Variants in TCHH observed in about 807,000 individuals in gnomAD.
TCHH encodes trichohyalin.
Under a neutral mutation model 6.3 loss-of-function variants are expected in TCHH, and 6 were observed. The ratio of observed to expected loss-of-function variants is 0.95; its 90% CI spans 0.52 to 1.88. TCHH has a LOEUF of 1.88. Ranked by LOEUF, TCHH falls within the 40% of genes most tolerant of loss-of-function variation. The probability of loss-of-function intolerance (pLI) is 0.01; values close to 1 mark genes in which losing one functional copy is unlikely to be tolerated. For synonymous variants in TCHH, 1,087 were observed against 963.6 expected, an observed-to-expected ratio of 1.13 and a Z score of -2.37; for missense variants, 2,920 against 2,449.1, an observed-to-expected ratio of 1.19 and a Z score of -4.06.
Position 152,109,736 on chromosome 1 carries a change from T to C in TCHH, c.3481A>G (p.Arg1161Gly), listed in dbSNP as rs760934623. 8.1e-6 allele frequency: 13 copies of C among 1,606,144 alleles called. No homozygotes were observed. The Admixed American group carries it at 1.4e-4, about 17-fold the overall frequency. ...EQLLREEPEK[R>G]RRQELERQYR... ...TGCCTCTCCAGCTCCTGGCGCCTTC[T>C]CTTCTCCGGTTCCTCTCTCAGCAGC... The change falls in exon 3 of 3, where the codon AGA (arginine) becomes GGA (glycine). Residue 1161 changes from arginine (R) to glycine (G), a missense_variant. Transcript: ENST00000614923.
chr1:152,111,702 C>T lies in TCHH; in HGVS notation c.1515G>A (p.Gln505=), dbSNP rs759385082. 1 of 1,575,700 alleles carries T rather than the reference C, an allele frequency of 6.3e-7. No homozygotes were observed. The highest frequency in any genetic ancestry group is 8.7e-7 in the Non-Finnish European group (1 of 1,151,152). ...ERREQQERRE[Q]QLRREQEERR... is the part of the protein sequence containing the mutation. ...TCTCCTCTTGCTCCCGCCTTAGTTGCTGCTCGCGCCTCTCCTGCTGCTCGC... is the reference window on the plus strand; with the variant it reads ...TCTCCTCTTGCTCCCGCCTTAGTTGTTGCTCGCGCCTCTCCTGCTGCTCGC... Residue 505 remains glutamine, a synonymous_variant, in exon 3 of 3, where the codon CAG becomes CAA. Transcript: ENST00000614923.
rs1658419778 is a variant in TCHH at position 152,112,672 on chromosome 1, T to C, written c.545A>G (p.Glu182Gly). Residue 182 changes from glutamate to glycine, a missense_variant, in exon 3 of 3, where the codon GAA becomes GGA. Transcript: ENST00000614923. ...TTCCTCTGCACGGCGCTCTTCCCGT[T>C]CTTGCCATTCTTGCCTTTGCCGCCA... ...ELWRQRQEWQ[E>G]REERRAEEEQ... The C allele has an allele frequency of 6.2e-7, 1 of 1,613,964 alleles. No homozygotes were observed. The highest frequency in any genetic ancestry group is 1.3e-5 in the African/African-American group (1 of 74,896).
chr1:152,112,553 C>T lies in TCHH; in HGVS notation c.664G>A (p.Gly222Ser), dbSNP rs771944284. The change falls in exon 3 of 3, where the codon GGC becomes AGC. Residue 222 changes from glycine to serine, a missense_variant. Coordinates refer to ENST00000614923, the MANE Select transcript of TCHH (RefSeq NM_007113.4). ...RRELLELRRK[G>S]REEKQQQRRE... Reference sequence around the variant, plus strand: ...CTTTGCTGCTGTTTCTCCTCGCGGCCCTTCCTCCTCAGCTCCAGCAGCTCC... The same window carrying T: ...CTTTGCTGCTGTTTCTCCTCGCGGCTCTTCCTCCTCAGCTCCAGCAGCTCC... 1 of 1,613,392 alleles carries T rather than the reference C, an allele frequency of 6.2e-7. No individual in the cohort carries two copies. Among genetic ancestry groups the T allele is most frequent in the Non-Finnish European group, 8.5e-7 (1 of 1,180,016 alleles).
rs1658159285 is a variant in TCHH at position 152,107,907 on chromosome 1, G to A, written c.5310C>T (p.Asp1770=). ...GCTGTTCCTCCTCGCGGAATTTTCT[G>A]TCGCGCTCCTGGCGGCGCAGCTGCT... ...EEQQLRRQER[D]RKFREEEQLR... The change falls in exon 3 of 3, where the codon GAC becomes GAT. Residue 1770 remains aspartate (D), a synonymous_variant. Coordinates refer to ENST00000614923, the MANE Select transcript of TCHH (RefSeq NM_007113.4). 1 of 1,613,696 alleles carries A rather than the reference G, an allele frequency of 6.2e-7. No homozygotes were observed. Among genetic ancestry groups the A allele is most frequent in the East Asian group, 2.2e-5 (1 of 44,860 alleles).
Position 152,107,705 on chromosome 1 carries a change from G to T in TCHH, c.5512C>A (p.Arg1838=). ...CGGTACTGCCGGTCTCGCTCCTGCC[G>T]CAGCCTCTGCTCTTGTTCCTCAAGT... is the stretch of plus-strand genomic sequence containing the variant. ...LQLEEQEQRL[R]QERDRQYRAE... Residue 1838 remains arginine (R), a synonymous_variant, in exon 3 of 3, where the codon CGG becomes AGG. Coordinates refer to ENST00000614923, the MANE Select transcript of TCHH (RefSeq NM_007113.4). 1 of 1,614,052 alleles carries T rather than the reference G, an allele frequency of 6.2e-7. No homozygotes were observed. Among genetic ancestry groups the T allele is most frequent in the South Asian group, 1.1e-5 (1 of 91,092 alleles).
rs750924673 is a variant in TCHH at position 152,110,622 on chromosome 1, G to C, written c.2595C>G (p.Ser865Arg). 41 of 1,610,554 alleles carry C rather than the reference G, an allele frequency of 2.5e-5. No individual in the cohort carries two copies. The highest frequency in any genetic ancestry group is 6.7e-5 in the Admixed American group (4 of 59,728). ...ATTTTTGGTCGCGGCGCTGCTCCTG[G>C]CTTCGCCTCCTCTCCTGATCCTCCT... The part of the protein sequence containing the change: ...GLQEDQERRR[S>R]QEQRRDQKWR... Residue 865 changes from serine (S) to arginine (R), a missense_variant, in exon 3 of 3, where the codon AGC becomes AGG. Ser to Arg is a moderately radical substitution (Grantham distance 110). Transcript: ENST00000614923.
In TCHH at chr1:152,112,233, G is replaced by A. The variant is rs1658399264; in HGVS notation, c.984C>T (p.Arg328=). The A allele has an allele frequency of 6.4e-7, 1 of 1,551,232 alleles. No homozygotes were observed. Among genetic ancestry groups the A allele is most frequent in the African/African-American group, 1.6e-5 (1 of 61,710 alleles). Residue 328 remains arginine (R), a synonymous_variant, in exon 3 of 3, where the codon CGC becomes CGT. Transcript: ENST00000614923. ...GCTCGCGCCTCTCCTCCTGCTGCTC[G>A]CGCCTCTCCTGCTGCTCGCGCCTCT... is the stretch of plus-strand genomic sequence containing the variant. The part of the protein sequence containing the change: ...QEERREQQER[R]EQQEERREQQ...
At position 152,109,229 on chromosome 1, in the gene TCHH, G is replaced by GTCTCT. The variant is rs752472499; in HGVS notation, c.3983_3987dup (p.Arg1331AspfsTer95). 19 of 1,614,106 alleles carry GTCTCT rather than the reference G, an allele frequency of 1.2e-5. No homozygotes were observed. The highest frequency in any genetic ancestry group is 2.7e-5 in the African/African-American group (2 of 74,934). ...AATTTTCTGTCTGTCTCTTGACGGC[G>GTCTCT]TCTCTTCTCTTCTCTTTCCTCTCTC... On this transcript the variant is annotated frameshift_variant, in exon 3 of 3. Transcript: ENST00000614923. LOFTEE classifies it low-confidence loss of function (END_TRUNC).
In TCHH at chr1:152,111,857, TCTC is replaced by T. The variant is rs146085887; in HGVS notation, c.1357_1359del (p.Glu453del). On this transcript the variant is annotated inframe_deletion, in exon 3 of 3. Transcript: ENST00000614923. Reference sequence around the variant, plus strand: ...TCCTCGCGCTTCAGCCAATCGCGCCTCTCCTCCTGCTCGCGCTTCAGCCGCTGC... The same window carrying T: ...TCCTCGCGCTTCAGCCAATCGCGCCTCTCCTGCTCGCGCTTCAGCCGCTGC... 635 of 1,564,086 alleles carry T rather than the reference TCTC, an allele frequency of 4.1e-4. No individual in the cohort carries two copies. In the African/African-American group the frequency reaches 6.3e-3, roughly 16 times the overall value.
chr1:152,112,209 C>T lies in TCHH; in HGVS notation c.1008G>A (p.Glu336=). 1 of 1,598,700 alleles carries T rather than the reference C, an allele frequency of 6.3e-7. No individual in the cohort carries two copies. The highest frequency in any genetic ancestry group is 1.1e-5 in the South Asian group (1 of 90,608). ...CCTCCTGCTCGCGCCTCAGCTGCTG[C>T]TCGCGCCTCTCCTCCTGCTGCTCGC... ...ERREQQEERR[E]QQLRREQEER... Residue 336 remains glutamate, a synonymous_variant, in exon 3 of 3, where the codon GAG becomes GAA. Transcript: ENST00000614923.
rs1572159877 is a variant in TCHH, at chr1:152,112,234, C to T, written c.983G>A (p.Arg328His). ...QEERREQQER[R>H]EQQEERREQQ... ...CTCGCGCCTCTCCTCCTGCTGCTCG[C>T]GCCTCTCCTGCTGCTCGCGCCTCTC... is the stretch of plus-strand genomic sequence containing the variant. Residue 328 changes from arginine to histidine, a missense_variant, in exon 3 of 3, where the codon CGC (arginine) becomes CAC (histidine). Coordinates refer to ENST00000614923, the MANE Select transcript of TCHH (RefSeq NM_007113.4). 1 of 1,567,878 alleles carries T rather than the reference C, an allele frequency of 6.4e-7. No individual in the cohort carries two copies. Among genetic ancestry groups the T allele is most frequent in the Non-Finnish European group, 8.6e-7 (1 of 1,159,130 alleles).
rs1572153303 is a variant in TCHH at position 152,106,723 on chromosome 1, G to C, written c.*662C>G. The C allele has an allele frequency of 6.6e-6, 1 of 152,102 alleles. No homozygotes were observed. Among genetic ancestry groups the C allele is most frequent in the East Asian group, 1.9e-4 (1 of 5,198 alleles). 9.4% of individuals were successfully genotyped at this position (152,102 alleles called of 1,614,324 possible). On this transcript the variant is annotated 3_prime_UTR_variant, in exon 3 of 3. Coordinates refer to ENST00000614923, the MANE Select transcript of TCHH (RefSeq NM_007113.4). The stretch of plus-strand genomic sequence containing the variant: ...TGAGATTATGTGTTTAAGTGGAGTT[G>C]AGTTTAAAAAAAATCTAATTTAAAT...
Position 152,110,664 on chromosome 1 carries a change from C to G in TCHH, c.2553G>C (p.Glu851Asp). ...QRRERAQQLQEEEDGLQEDQE... is the reference protein window; with the variant it reads ...QRRERAQQLQDEEDGLQEDQE... ...GATCCTCCTGGAGGCCGTCCTCCTC[C>G]TCCTGGAGCTGTTGGGCACGCTCCC... The change falls in exon 3 of 3, where the codon GAG becomes GAC. Residue 851 changes from glutamate to aspartate, a missense_variant. Transcript: ENST00000614923. 1.2e-6 allele frequency: 2 copies of G among 1,613,690 alleles called. No individual in the cohort carries two copies. The highest frequency in any genetic ancestry group is 1.7e-6 in the Non-Finnish European group (2 of 1,179,996).
In TCHH at chr1:152,110,950, C is replaced by T. The variant is rs372355281; in HGVS notation, c.2267G>A (p.Arg756Gln). The change falls in exon 3 of 3, where the codon CGG (arginine) becomes CAG (glutamine). Residue 756 changes from arginine to glutamine, a missense_variant. Arg to Gln is a conservative substitution (Grantham distance 43). Transcript: ENST00000614923. ...LQWQEEERAH[R>Q]QQQEEEQRRD... is the part of the protein sequence containing the mutation. ...GCGCTGCTCCTCTTCCTGCTGCTGC[C>T]GGTGAGCCCGTTCCTCCTCCTGCCA... 1.2e-6 allele frequency: 2 copies of T among 1,613,246 alleles called. No homozygotes were observed. The highest frequency in any genetic ancestry group is 1.1e-5 in the South Asian group (1 of 91,076).
In TCHH at chr1:152,110,275, C is replaced by A. The variant is rs368232517; in HGVS notation, c.2942G>T (p.Arg981Ile). The change falls in exon 3 of 3, where the codon AGA (arginine) becomes ATA (isoleucine). Residue 981 changes from arginine (R) to isoleucine (I), a missense_variant. By Grantham distance (97) the Arg-to-Ile change is moderately conservative. Transcript: ENST00000614923. ...EQLLGEEPEK[R>I]RRQEREKKYR... ...TTTTTTCTCCCGCTCCTGGCGCCTTCTCTTCTCCGGTTCCTCTCCCAGCAG... is the reference window on the plus strand; with the variant it reads ...TTTTTTCTCCCGCTCCTGGCGCCTTATCTTCTCCGGTTCCTCTCCCAGCAG... The A allele has an allele frequency of 1.9e-6, 3 of 1,611,660 alleles. No individual in the cohort carries two copies. Among genetic ancestry groups the A allele is most frequent in the Non-Finnish European group, 2.5e-6 (3 of 1,179,006 alleles).
Position 152,107,276 on chromosome 1 carries a change from A to T in TCHH, c.*109T>A. 8.7e-7 allele frequency: 1 copy of T among 1,155,704 alleles called. No homozygotes were observed. The highest frequency in any genetic ancestry group is 1.2e-6 in the Non-Finnish European group (1 of 825,594). The allele number at this position is 1,155,704 out of a possible 1,614,324, so 71.6% of individuals were successfully genotyped here. A position where few individuals can be genotyped will look rare whatever the true frequency, so the allele number is the denominator to read the frequency against. Reference sequence around the variant, plus strand: ...TTGGAAGAAAAGACATTCTAATATCAGAGAGTTTTCCCACAACCAGAAACA... The same window carrying T: ...TTGGAAGAAAAGACATTCTAATATCTGAGAGTTTTCCCACAACCAGAAACA... On this transcript the variant is annotated 3_prime_UTR_variant, in exon 3 of 3. Transcript: ENST00000614923.
rs1658306625 is a variant in TCHH at position 152,110,666 on chromosome 1, CCTGGAGCTGTTGGGCACGCTCCCGCCG to C, written c.2524_2550del (p.Arg842_Gln850del). On this transcript the variant is annotated inframe_deletion, in exon 3 of 3. Transcript: ENST00000614923. ...TCCTCCTGGAGGCCGTCCTCCTCCT[CCTGGAGCTGTTGGGCACGCTCCCGCCG>C]CTGGAGCTGCTCCTCTTCCTCCAGG... The C allele has an allele frequency of 3.1e-6, 5 of 1,613,494 alleles. No homozygotes were observed. Among genetic ancestry groups the C allele is most frequent in the Non-Finnish European group, 4.2e-6 (5 of 1,179,952 alleles).
chr1:152,110,927 G>C lies in TCHH; in HGVS notation c.2290C>G (p.Arg764Gly). 6.2e-7 allele frequency: 1 copy of C among 1,613,080 alleles called. No homozygotes were observed. Among genetic ancestry groups the C allele is most frequent in the Middle Eastern group, 1.7e-4 (1 of 6,060 alleles). The change falls in exon 3 of 3, where the codon CGC becomes GGC. Residue 764 changes from arginine (R) to glycine (G), a missense_variant. Coordinates refer to ENST00000614923, the MANE Select transcript of TCHH (RefSeq NM_007113.4). Reference protein sequence around the residue: ...AHRQQQEEEQRRDFTWQWQAE... With the variant: ...AHRQQQEEEQGRDFTWQWQAE... ...TGCCACTGCCATGTGAAGTCCCGGC[G>C]CTGCTCCTCTTCCTGCTGCTGCCGG...
At position 152,111,560 on chromosome 1, in the gene TCHH, C is replaced by G. The variant is rs377273868; in HGVS notation, c.1657G>C (p.Glu553Gln). 3.5e-5 allele frequency: 56 copies of G among 1,600,554 alleles called. No homozygotes were observed. Among genetic ancestry groups the G allele is most frequent in the Admixed American group, 1.0e-4 (6 of 59,588 alleles). Residue 553 changes from glutamate (E) to glutamine (Q), a missense_variant, in exon 3 of 3, where the codon GAG becomes CAG. Glu to Gln is a conservative substitution (Grantham distance 29, BLOSUM62 2). Transcript: ENST00000614923. ...TCCTGCTCGAGCCTCTTCTCCTCCT[C>G]GCGCTTCAGCAGCTGCTCGCGCCTC... Reference protein sequence around the residue: ...EERREQLLKREEEKRLEQERR... With the variant: ...EERREQLLKRQEEKRLEQERR...
Sources: allele counts gnomAD v4.1 joint callset, GRCh38; gene constraint gnomAD v4.1.1; transcripts MANE v1.5; gene names NCBI Gene and HGNC (gene_info 2026-07-23, HGNC 2026-07-21).